Variants in UBE2V2 observed in about 807,000 individuals in gnomAD.
UBE2V2 encodes the protein ubiquitin-conjugating enzyme E2 variant 2.
In UBE2V2, 9 loss-of-function variants were observed where a neutral mutation model predicts 17.2. That is an observed-to-expected ratio of 0.52 (90% CI 0.32 to 0.91). UBE2V2 has a LOEUF of 0.91. UBE2V2 is among the 40% of genes least tolerant of loss of function. The pLI, the probability that UBE2V2 is intolerant of heterozygous loss-of-function variation, is 0.04. For synonymous variants in UBE2V2, 61 were observed against 57.5 expected, an observed-to-expected ratio of 1.06 and a Z score of -0.28; for missense variants, 133 against 182.6, an observed-to-expected ratio of 0.73 and a Z score of 1.56.
chr8:48,047,651 G>A (rs1043979282), intron 2 of UBE2V2, among the ~76,000 whole-genome samples: 8 of 151,550 alleles, frequency 5.3e-5, no homozygotes, highest in Non-Finnish European at 2.9e-5. Flanking sequence ...GCCACCTCCC[G>A]AGTTCAGGTG....
chr8:48,057,994 T>C (rs1427719217), intron 3 of UBE2V2, among the ~76,000 whole-genome samples: 1 of 152,208 alleles, frequency 6.6e-6, no homozygotes, highest in East Asian at 1.9e-4. Context: ...TCTTTGTTAA[T>C]TGTCCTGGCT....
At chr8:48,030,333 T>A (rs2091374278) in intron 1 of UBE2V2, among the ~76,000 whole-genome samples, 1 of 152,212 alleles carries the variant, frequency 6.6e-6, no homozygotes, top group Non-Finnish European at 1.5e-5. Context: ...TCACCAGGTG[T>A]TTATCAAGTG....
chr8:48,005,370 A>G (rs1299208274), upstream of UBE2V2, among the ~76,000 whole-genome samples: 1 of 152,192 alleles, frequency 6.6e-6, no homozygotes, highest in Non-Finnish European at 1.5e-5. Context: ...ATGGCTGCAT[A>G]GTATTCCATG....
chr8:48,022,304 T>A (rs2091311386), intron 1 of UBE2V2, among the ~76,000 whole-genome samples: 1 of 151,840 alleles, frequency 6.6e-6, no homozygotes, highest in South Asian at 2.1e-4. Flanking sequence ...CCCCACTAAT[T>A]TTTGTATTTT....
chr8:48,018,203 CAA>C (rs950226529), intron 1 of UBE2V2, among the ~76,000 whole-genome samples: 6 of 152,090 alleles, frequency 3.9e-5, no homozygotes, highest in South Asian at 2.1e-4. Flanking sequence ...AGCAATAAGA[CAA>C]GAGAAAGAAA....
intron 2 of UBE2V2, among the ~76,000 whole-genome samples, chr8:48,045,211 C>T (rs770748943): frequency 5.9e-5 from 9 of 152,158 alleles, no homozygotes; most frequent in Non-Finnish European, 8.8e-5. Flanking sequence ...TCAAGCTTCA[C>T]GCTGAGGCAC....
rs148473953 is a variant in UBE2V2, at chr8:48,040,053, T to C, written c.17-2980T>C. On this transcript the variant is annotated intron_variant, in intron 1 of 3. Coordinates refer to ENST00000523111, the MANE Select transcript of UBE2V2 (RefSeq NM_003350.3). ...CAGCCTTTTCTACTTTTTTTTTTTT[T>C]TTTCTTTTGAAATAACTTCAGATTT... 2.9e-3 allele frequency among the ~76,000 whole-genome samples: 445 copies of C among 152,082 alleles called. 3 individuals carry two copies. Among genetic ancestry groups the C allele is most frequent in the African/African-American group, 0.011 (437 of 41,492 alleles).
At chr8:48,051,223 T>C (rs1166963485) in intron 3 of UBE2V2, among the ~76,000 whole-genome samples, 1 of 152,162 alleles carries the variant, frequency 6.6e-6, no homozygotes, top group Non-Finnish European at 1.5e-5. Context: ...GAATTTCCAG[T>C]ATGAGTAGAT....
chr8:48,013,106 A>G (rs929642266), intron 1 of UBE2V2, among the ~76,000 whole-genome samples: 9 of 152,082 alleles, frequency 5.9e-5, no homozygotes, highest in African/African-American at 1.7e-4. Context: ...TGGCCTCCCA[A>G]AGTGCTGGGA....
intron 1 of UBE2V2, among the ~76,000 whole-genome samples, chr8:48,018,519 T>C (rs1235163245): frequency 6.6e-6 from 1 of 152,240 alleles, no homozygotes; most frequent in Non-Finnish European, 1.5e-5. Flanking sequence ...AGAAAAGATA[T>C]TTGATATGAT....
At chr8:48,004,253 A>G (rs2091169416), upstream of UBE2V2, among the ~76,000 whole-genome samples, 2 of 152,176 alleles carry the variant, frequency 1.3e-5, no homozygotes, top group South Asian at 2.1e-4. Flanking sequence ...AGAAATATTG[A>G]TATTTAGGAT....
intron 1 of UBE2V2, among the ~76,000 whole-genome samples, chr8:48,025,597 T>C (rs2091338015): frequency 2.0e-5 from 3 of 151,290 alleles, no homozygotes; most frequent in African/African-American, 4.9e-5. Flanking sequence ...ATTTTCTTTT[T>C]TTTTTCTTTC....
upstream of UBE2V2, chr8:48,008,368 T>C: frequency 6.6e-7 from 1 of 1,508,030 alleles, no homozygotes; most frequent in South Asian, 1.2e-5. Flanking sequence ...GAGTCCGCTG[T>C]GACGCGTGCA....
At chr8:48,054,971 C>T (rs1274062060) in intron 3 of UBE2V2, among the ~76,000 whole-genome samples, 2 of 151,290 alleles carry the variant, frequency 1.3e-5, no homozygotes, top group Admixed American at 6.6e-5. Context: ...ACAGGATTTG[C>T]AATCACTTAT....
chr8:48,039,209 A>G (rs1300982232), intron 1 of UBE2V2, among the ~76,000 whole-genome samples: 2 of 152,088 alleles, frequency 1.3e-5, no homozygotes, highest in Non-Finnish European at 2.9e-5. Flanking sequence ...CCGACCCCTG[A>G]TTTTTAAATA....
At chr8:48,023,732 C>T (rs1164443413) in intron 1 of UBE2V2, among the ~76,000 whole-genome samples, 1 of 151,868 alleles carries the variant, frequency 6.6e-6, no homozygotes, top group East Asian at 1.9e-4. Flanking sequence ...AAAAATTAGC[C>T]AGGCATGATG....
At chr8:48,023,677 G>T (rs931779712) in intron 1 of UBE2V2, among the ~76,000 whole-genome samples, 2 of 151,962 alleles carry the variant, frequency 1.3e-5, no homozygotes, top group Non-Finnish European at 2.9e-5. Context: ...TTTGAGACCA[G>T]CCTGGCCAAC....
intron 1 of UBE2V2, among the ~76,000 whole-genome samples, chr8:48,030,012 C>T (rs978648721): frequency 6.6e-6 from 1 of 152,180 alleles, no homozygotes; most frequent in Non-Finnish European, 1.5e-5. Context: ...AACTTTCTTC[C>T]ACTCCCTAGT....
intron 1 of UBE2V2, among the ~76,000 whole-genome samples, chr8:48,015,579 T>C (rs988715993): frequency 6.6e-6 from 1 of 152,144 alleles, no homozygotes; most frequent in Non-Finnish European, 1.5e-5. Flanking sequence ...ACAGTAGTGC[T>C]CTTAAACTTG....
Sources: allele counts gnomAD v4.1 joint callset (sites outside exome capture counted in the v4.1 genomes callset), GRCh38; gene constraint gnomAD v4.1.1; transcripts MANE v1.5; gene names NCBI Gene and HGNC (gene_info 2026-07-23, HGNC 2026-07-21).